The following MSRA variants were observed in gnomAD, a reference collection of about 807,000 sequenced individuals.
MSRA encodes methionine sulfoxide reductase A.
Under a neutral mutation model 31.3 loss-of-function variants are expected in MSRA, and 54 were observed. The ratio of observed to expected loss-of-function variants is 1.73; its 90% CI spans 1.39 to 2.17. The LOEUF is 2.17. Ranked by LOEUF, MSRA falls within the 30% of genes most tolerant of loss-of-function variation. The pLI, the probability that MSRA is intolerant of heterozygous loss-of-function variation, is 0.00. For synonymous variants in MSRA, 169 were observed against 116.5 expected, an observed-to-expected ratio of 1.45 and a Z score of -2.90; for missense variants, 507 against 300.9, an observed-to-expected ratio of 1.69 and a Z score of -5.07.
chr8:10,181,829 A>G (rs1433625580), intron 1 of MSRA, among the ~76,000 whole-genome samples: 2 of 152,070 alleles, frequency 1.3e-5, no homozygotes, highest in Non-Finnish European at 1.5e-5. Context: ...TGCTCTGGAG[A>G]CCTCACTTCT....
chr8:10,330,790 T>C (rs951509837), intron 5 of MSRA, among the ~76,000 whole-genome samples: 10 of 150,522 alleles, frequency 6.6e-5, no homozygotes, highest in Admixed American at 4.6e-4. Flanking sequence ...TCAACAAATA[T>C]CTGTTGACCT....
At chr8:10,355,485 G>T (rs1346445331) in intron 5 of MSRA, among the ~76,000 whole-genome samples, 2 of 152,200 alleles carry the variant, frequency 1.3e-5, no homozygotes, top group Non-Finnish European at 2.9e-5. Context: ...TGAGACACGT[G>T]TAAGGAACAG....
At chr8:10,214,319 A>G (rs546957338) in intron 2 of MSRA, among the ~76,000 whole-genome samples, 9 of 152,100 alleles carry the variant, frequency 5.9e-5, no homozygotes, top group Non-Finnish European at 1.3e-4. Context: ...GGCCCCTCCA[A>G]GGAGAGTGAG....
At chr8:10,101,919 G>T (rs1486791752) in intron 1 of MSRA, among the ~76,000 whole-genome samples, 2 of 152,094 alleles carry the variant, frequency 1.3e-5, no homozygotes, top group Non-Finnish European at 1.5e-5. Flanking sequence ...TGGAATTCTG[G>T]GTTGACAATT....
chr8:10,427,534 G>A (rs1278915422), intron 5 of MSRA, among the ~76,000 whole-genome samples: 1 of 152,104 alleles, frequency 6.6e-6, no homozygotes, highest in Non-Finnish European at 1.5e-5. Flanking sequence ...GACCCCAAGC[G>A]ACCGCCTGCT....
At chr8:10,177,020 T>C (rs1278412883) in intron 1 of MSRA, among the ~76,000 whole-genome samples, 1 of 152,248 alleles carries the variant, frequency 6.6e-6, no homozygotes, top group African/African-American at 2.4e-5. Flanking sequence ...GGAGCTCCTG[T>C]TTCTCAATAG....
chr8:10,394,749 A>G (rs1031288133), intron 5 of MSRA, among the ~76,000 whole-genome samples: 1 of 152,218 alleles, frequency 6.6e-6, no homozygotes, highest in African/African-American at 2.4e-5. Context: ...CTGCTTTCTG[A>G]ACACTTTGGT....
chr8:10,412,690 A>G (rs1808229243), intron 5 of MSRA, among the ~76,000 whole-genome samples: 1 of 152,230 alleles, frequency 6.6e-6, no homozygotes, highest in Non-Finnish European at 1.5e-5. Flanking sequence ...GCCTTTGTAT[A>G]CAGAAGGCAA....
chr8:10,163,630 T>C (rs1292389068), intron 1 of MSRA, among the ~76,000 whole-genome samples: 2 of 152,186 alleles, frequency 1.3e-5, no homozygotes, highest in South Asian at 2.1e-4. Flanking sequence ...AAATGTGAAA[T>C]CAGTATGGCA....
chr8:10,154,183 C>G (rs61612424), intron 1 of MSRA, among the ~76,000 whole-genome samples: 4 of 152,166 alleles, frequency 2.6e-5, no homozygotes, highest in Non-Finnish European at 5.9e-5. Flanking sequence ...ATTTGTCAAA[C>G]GCAGTCACTG....
chr8:10,224,364 A>T (rs1810802495), intron 2 of MSRA, among the ~76,000 whole-genome samples: 5 of 152,154 alleles, frequency 3.3e-5, no homozygotes. Context: ...GATTTGAAGA[A>T]ACCAGATTGA....
intron 5 of MSRA, among the ~76,000 whole-genome samples, chr8:10,340,084 TG>T (rs1187919266): frequency 1.3e-5 from 2 of 152,090 alleles, no homozygotes. Context: ...TAGCCAATAA[TG>T]CTGTCACAGC....
chr8:10,257,453 C>G (rs990626296), intron 3 of MSRA, among the ~76,000 whole-genome samples: 1 of 152,154 alleles, frequency 6.6e-6, no homozygotes, highest in Non-Finnish European at 1.5e-5. Flanking sequence ...GTTGCCCAGG[C>G]TGGAGTGCAA....
At chr8:10,225,427 T>A (rs1057273269) in intron 2 of MSRA, among the ~76,000 whole-genome samples, 1 of 152,246 alleles carries the variant, frequency 6.6e-6, no homozygotes, top group Non-Finnish European at 1.5e-5. Context: ...CTTGGATTAC[T>A]TGGGGCCTAG....
chr8:10,249,698 C>CCT (rs1461916897), intron 3 of MSRA, among the ~76,000 whole-genome samples: 2 of 152,132 alleles, frequency 1.3e-5, no homozygotes, highest in Admixed American at 6.5e-5. Context: ...GGCCAGCAGA[C>CCT]CTCTGTTGGG....
chr8:10,174,280 T>C (rs1273401397), intron 1 of MSRA, among the ~76,000 whole-genome samples: 2 of 151,952 alleles, frequency 1.3e-5, no homozygotes, highest in African/African-American at 4.8e-5. Context: ...AGGACACAGA[T>C]AGAGGAGCTT....
intron 2 of MSRA, among the ~76,000 whole-genome samples, chr8:10,228,678 T>C (rs1811206477): frequency 6.6e-6 from 1 of 152,186 alleles, no homozygotes. Context: ...CCTTCCTTCA[T>C]GGGAATCCAG....
intron 5 of MSRA, among the ~76,000 whole-genome samples, chr8:10,341,199 A>T (rs1048367938): frequency 9.9e-5 from 15 of 152,224 alleles, no homozygotes; most frequent in African/African-American, 3.6e-4. Context: ...TAAAGAAAAG[A>T]GATTTAATTG....
intron 5 of MSRA, among the ~76,000 whole-genome samples, chr8:10,405,901 C>T (rs958632429): frequency 1.3e-5 from 2 of 152,240 alleles, no homozygotes; most frequent in Non-Finnish European, 2.9e-5. Flanking sequence ...CACATACACG[C>T]TGTACTCACA....
Sources: gnomAD v4.1 joint callset for allele counts (sites outside exome capture counted in the v4.1 genomes callset) on GRCh38, gnomAD v4.1.1 for gene constraint, MANE v1.5 for transcripts, NCBI Gene and HGNC (gene_info 2026-07-23, HGNC 2026-07-21) for gene names.